The following DCC variants were observed in gnomAD, a reference collection of about 807,000 sequenced individuals.
The protein encoded by DCC is DCC netrin 1 receptor, also known as netrin receptor DCC.
Under a neutral mutation model 172.5 loss-of-function variants are expected in DCC, and 58 were observed. That is an observed-to-expected ratio of 0.34 (90% CI 0.27 to 0.42). The LOEUF (loss-of-function observed/expected upper bound fraction) is 0.42. Among genes scored for constraint, DCC ranks in the 10% least tolerant of loss-of-function variants. The probability of loss-of-function intolerance (pLI) is 1.00; values close to 1 mark genes in which losing one functional copy is unlikely to be tolerated. For missense variants in DCC, 1,740 were observed against 1,791.0 expected, an observed-to-expected ratio of 0.97 and a Z score of 0.51; for synonymous variants, 709 against 644.5, an observed-to-expected ratio of 1.10 and a Z score of -1.52.
intron 5 of DCC, among the ~76,000 whole-genome samples, chr18:53,058,323 G>T (rs912992186): frequency 2.6e-5 from 4 of 152,098 alleles, no homozygotes; most frequent in Admixed American, 2.6e-4. Flanking sequence ...TAACCTCTGA[G>T]TTATTAAATA....
chr18:52,720,210 T>C (rs2036452305), intron 1 of DCC, among the ~76,000 whole-genome samples: 1 of 152,034 alleles, frequency 6.6e-6, no homozygotes, highest in East Asian at 1.9e-4. Context: ...TCAATAGAGA[T>C]CTGTAGAGCT....
intron 1 of DCC, among the ~76,000 whole-genome samples, chr18:52,603,255 T>G (rs796923327): frequency 6.6e-6 from 1 of 152,032 alleles, no homozygotes; most frequent in Non-Finnish European, 1.5e-5. Context: ...AAAGAACATG[T>G]GTGACAGGGT....
intron 1 of DCC, among the ~76,000 whole-genome samples, chr18:52,403,643 T>C (rs16954863): frequency 0.06 from 9,054 of 152,078 alleles, 580 homozygotes; most frequent in African/African-American, 0.16. Context: ...GAAATGAAAA[T>C]GAAAATTATT....
At chr18:53,170,040 A>ATTAAAAACT (rs2054988750) in intron 8 of DCC, among the ~76,000 whole-genome samples, 1 of 152,166 alleles carries the variant, frequency 6.6e-6, no homozygotes, top group Admixed American at 6.5e-5. Flanking sequence ...GGAAAGGGTG[A>ATTAAAAACT]TTAAAAACTC....
chr18:52,539,102 G>T (rs2032366719), intron 1 of DCC, among the ~76,000 whole-genome samples: 2 of 152,120 alleles, frequency 1.3e-5, no homozygotes, highest in Admixed American at 6.5e-5. Flanking sequence ...ACATGAACTG[G>T]CATTGGGATT....
chr18:52,575,955 G>A (rs2033399808), intron 1 of DCC, among the ~76,000 whole-genome samples: 1 of 152,090 alleles, frequency 6.6e-6, no homozygotes, highest in Non-Finnish European at 1.5e-5. Context: ...AGGCATCTGG[G>A]CTTTTCATTC....
At chr18:53,134,156 ATATGTTGCTGTACTGCAGGTT>A (rs2043702503) in intron 7 of DCC, among the ~76,000 whole-genome samples, 1 of 152,152 alleles carries the variant, frequency 6.6e-6, no homozygotes, top group South Asian at 2.1e-4. Flanking sequence ...ACAGCAAATG[ATATGTTGCTGTACTGCAGGTT>A]TATTAGAACA....
In DCC at chr18:53,410,448, G is replaced by A. The variant is rs752008420; in HGVS notation, c.2936-4G>A. 1 of 1,588,302 alleles carries A rather than the reference G, an allele frequency of 6.3e-7. No homozygotes were observed. Among genetic ancestry groups the A allele is most frequent in the South Asian group, 1.1e-5 (1 of 90,420 alleles). On this transcript the variant is annotated splice_polypyrimidine_tract_variant and splice_region_variant and intron_variant, in intron 19 of 28. Coordinates refer to ENST00000442544, the MANE Select transcript of DCC (RefSeq NM_005215.4). ...AATTAAGTCACATTTGTCTATTTAT[G>A]CAGCTTACATCTTATTTTATACCTT...
chr18:53,202,675 G>A (rs911297583), intron 9 of DCC, among the ~76,000 whole-genome samples: 4 of 152,114 alleles, frequency 2.6e-5, no homozygotes, highest in Non-Finnish European at 4.4e-5. Context: ...GGCTGGGAAG[G>A]CGTAGGGGAC....
Position 53,085,933 on chromosome 18 carries a change from A to C in DCC, c.1261+19767A>C. 1.4e-5 allele frequency among the ~76,000 whole-genome samples: 2 copies of C among 147,030 alleles called. 1 individual carries two copies. Among genetic ancestry groups the C allele is most frequent in the Non-Finnish European group, 3.0e-5 (2 of 66,566 alleles). On this transcript the variant is annotated intron_variant, in intron 7 of 28. Coordinates refer to ENST00000442544, the MANE Select transcript of DCC (RefSeq NM_005215.4). ...CTTACATAAAATCCAGACCTCTGTC[A>C]TTTCAGCTTTGGTGGAGTATTTTCT... is the stretch of plus-strand genomic sequence containing the variant.
chr18:53,093,090 T>G (rs2043037215), intron 7 of DCC, among the ~76,000 whole-genome samples: 1 of 152,144 alleles, frequency 6.6e-6, no homozygotes, highest in African/African-American at 2.4e-5. Flanking sequence ...GAGGCCAGCC[T>G]GGCCAACATG....
intron 7 of DCC, among the ~76,000 whole-genome samples, chr18:53,076,659 C>T (rs183999410): frequency 1.5e-4 from 23 of 152,142 alleles, no homozygotes; most frequent in Non-Finnish European, 2.8e-4. Context: ...ATGGTGGTGC[C>T]GGTAGAAGCC....
At chr18:52,884,392 T>TC (rs1251988466) in intron 2 of DCC, among the ~76,000 whole-genome samples, 1 of 152,044 alleles carries the variant, frequency 6.6e-6, no homozygotes, top group Non-Finnish European at 1.5e-5. Flanking sequence ...TTTATTCCTT[T>TC]TTTTTTTATT....
In DCC at chr18:53,063,288, T is replaced by C. The variant is rs771269460; in HGVS notation, c.986-17T>C. 1.9e-5 allele frequency: 30 copies of C among 1,613,080 alleles called. No individual in the cohort carries two copies. The highest frequency in any genetic ancestry group is 2.5e-5 in the Non-Finnish European group (30 of 1,179,302). ...ATCCCCACCCACTCACTCACTTTTT[T>C]TTTTCTGTCTTTGCAGTTCCGCCAT... On this transcript the variant is annotated splice_polypyrimidine_tract_variant and intron_variant, in intron 5 of 28. Coordinates refer to ENST00000442544, the MANE Select transcript of DCC (RefSeq NM_005215.4).
At position 53,427,935 on chromosome 18, in the gene DCC, A is replaced by G. The variant is rs1293442761; in HGVS notation, c.3164-7209A>G. Among the ~76,000 whole-genome samples the G allele has an allele frequency of 5.1e-5, 2 of 39,146 alleles. 1 individual carries two copies. The highest frequency in any genetic ancestry group is 1.6e-4 in the Non-Finnish European group (2 of 12,902). 25.7% of individuals were successfully genotyped at this position (39,146 alleles called of 152,430 possible). A position where few individuals can be genotyped will look rare whatever the true frequency, so the allele number is the denominator to read the frequency against. ...ATAATAATATAATATATAATATAAT[A>G]TAATATATTATAATATATAATATAA... On this transcript the variant is annotated intron_variant, in intron 21 of 28. Coordinates refer to ENST00000442544, the MANE Select transcript of DCC (RefSeq NM_005215.4).
At chr18:53,064,376 C>T (rs567483746) in intron 6 of DCC, among the ~76,000 whole-genome samples, 25 of 152,256 alleles carry the variant, frequency 1.6e-4, no homozygotes, top group Non-Finnish European at 3.1e-4. Flanking sequence ...AAAGAACTTG[C>T]AGCTACAGAA....
At chr18:52,888,847 A>G (rs774777827) in intron 2 of DCC, among the ~76,000 whole-genome samples, 5 of 152,074 alleles carry the variant, frequency 3.3e-5, no homozygotes, top group Non-Finnish European at 7.4e-5. Context: ...ATATGTATAT[A>G]TTTGACTAGA....
chr18:53,347,982 C>G (rs2057744485), intron 15 of DCC, among the ~76,000 whole-genome samples: 1 of 152,060 alleles, frequency 6.6e-6, no homozygotes, highest in Non-Finnish European at 1.5e-5. Context: ...TGGGTGGGGA[C>G]ACAGCGAAAC....
intron 1 of DCC, among the ~76,000 whole-genome samples, chr18:52,618,319 T>C (rs560902146): frequency 6.6e-6 from 1 of 152,310 alleles, no homozygotes; most frequent in African/African-American, 2.4e-5. Context: ...AAACAAATCA[T>C]GGTGACTGCC....
Sources: allele counts gnomAD v4.1 joint callset (sites outside exome capture counted in the v4.1 genomes callset), GRCh38; gene constraint gnomAD v4.1.1; transcripts MANE v1.5; gene names NCBI Gene and HGNC (gene_info 2026-07-23, HGNC 2026-07-21).